Variants in RYR2 observed in about 807,000 individuals in gnomAD.
RYR2 encodes the protein ryanodine receptor 2.
In RYR2, 227 loss-of-function variants were observed where a neutral mutation model predicts 601.1. The ratio of observed to expected loss-of-function variants is 0.38; its 90% CI spans 0.34 to 0.42. The LOEUF is 0.42. RYR2 is among the 10% of genes least tolerant of loss of function. RYR2 has a pLI of 1.00. For missense variants in RYR2, 4,646 were observed against 6,156.5 expected, an observed-to-expected ratio of 0.75 and a Z score of 8.21; for synonymous variants, 2,223 against 2,175.1, an observed-to-expected ratio of 1.02 and a Z score of -0.61.
intron 1 of RYR2, among the ~76,000 whole-genome samples, chr1:237,045,869 G>GT (rs768636054): frequency 0.04 from 2,274 of 56,936 alleles, 262 homozygotes; most frequent in East Asian, 0.13. Flanking sequence ...CTTGGTCAAG[G>GT]TTTTTTTTTT....
intron 1 of RYR2, among the ~76,000 whole-genome samples, chr1:237,043,294 C>T (rs1660153502): frequency 6.6e-6 from 1 of 151,868 alleles, no homozygotes; most frequent in African/African-American, 2.4e-5. Context: ...CGTGTGTTTG[C>T]GTGTGTGCGC....
At chr1:237,632,978 A>G (rs1010515060) in intron 42 of RYR2, among the ~76,000 whole-genome samples, 1 of 152,104 alleles carries the variant, frequency 6.6e-6, no homozygotes, top group African/African-American at 2.4e-5. Flanking sequence ...GTAAACTATG[A>G]TAATATTTGG....
chr1:237,586,791 C>T (rs1167099329), intron 29 of RYR2, among the ~76,000 whole-genome samples: 2 of 151,982 alleles, frequency 1.3e-5, no homozygotes, highest in African/African-American at 4.8e-5. Flanking sequence ...GCAATCTAGG[C>T]TCACTGCAAT....
At chr1:237,144,266 A>C (rs979659596) in intron 1 of RYR2, among the ~76,000 whole-genome samples, 1 of 152,200 alleles carries the variant, frequency 6.6e-6, no homozygotes, top group African/African-American at 2.4e-5. Flanking sequence ...CTCAAGACAG[A>C]CTACTCCTTA....
At chr1:237,225,692 A>G (rs1204226659) in intron 1 of RYR2, among the ~76,000 whole-genome samples, 2 of 152,166 alleles carry the variant, frequency 1.3e-5, no homozygotes, top group African/African-American at 4.8e-5. Flanking sequence ...AGTGAATGGG[A>G]CAGAAAGAGC....
At chr1:237,498,156 G>A (rs889577659) in intron 20 of RYR2, among the ~76,000 whole-genome samples, 5 of 152,002 alleles carry the variant, frequency 3.3e-5, no homozygotes, top group East Asian at 1.9e-4. Flanking sequence ...GTGAGCCACC[G>A]TACCCAGCCT....
Position 237,478,799 on chromosome 1 carries a change from C to T in RYR2, c.1708+9612C>T, listed in dbSNP as rs561080767. ...AGGCAGGCCTTAAGGGACCCCCCTACCCTCGCTTACCATCTGGCTGCAAAT... is the reference window on the plus strand; with the variant it reads ...AGGCAGGCCTTAAGGGACCCCCCTATCCTCGCTTACCATCTGGCTGCAAAT... On this transcript the variant is annotated intron_variant, in intron 17 of 104. Transcript: ENST00000366574. Among the ~76,000 whole-genome samples, 3 of 152,184 alleles carry T rather than the reference C, an allele frequency of 2.0e-5. No homozygotes were observed. In the East Asian group the frequency reaches 5.8e-4, roughly 30 times the overall value.
chr1:237,630,186 T>G (rs2148677446), intron 41 of RYR2, among the ~76,000 whole-genome samples: 1 of 152,284 alleles, frequency 6.6e-6, no homozygotes, highest in Non-Finnish European at 1.5e-5. Context: ...AAAATGCTTC[T>G]TTTTGTGGTA....
At chr1:237,157,603 A>T (rs1675545380) in intron 1 of RYR2, among the ~76,000 whole-genome samples, 1 of 152,194 alleles carries the variant, frequency 6.6e-6, no homozygotes, top group African/African-American at 2.4e-5. Context: ...GTGAAACTGG[A>T]GGTCATTATG....
intron 14 of RYR2, among the ~76,000 whole-genome samples, chr1:237,450,326 T>C (rs1657932640): frequency 6.6e-6 from 1 of 152,150 alleles, no homozygotes; most frequent in Non-Finnish European, 1.5e-5. Flanking sequence ...TGCTCAGCAA[T>C]ATCTCTTCAA....
chr1:237,181,766 A>G lies in RYR2; in HGVS notation c.49-88731A>G, dbSNP rs116034579. The stretch of plus-strand genomic sequence containing the variant: ...GAATGTAAAGTAGGTTCTGTATGCA[A>G]AGGGTTAAGAAACTGGATGATATAG... On this transcript the variant is annotated intron_variant, in intron 1 of 104. Transcript: ENST00000366574. Among the ~76,000 whole-genome samples the G allele has an allele frequency of 5.9e-3, 905 of 152,324 alleles. 9 individuals are homozygous for G. The highest frequency in any genetic ancestry group is 0.033 in the South Asian group (158 of 4,828).
intron 25 of RYR2, among the ~76,000 whole-genome samples, chr1:237,536,572 G>C (rs552456832): frequency 6.6e-6 from 1 of 152,120 alleles, no homozygotes; most frequent in Non-Finnish European, 1.5e-5. Context: ...AAAATTAGCC[G>C]GGCGTGGTGG....
chr1:237,825,861 A>G (rs1260146591), intron 101 of RYR2, among the ~76,000 whole-genome samples: 1 of 152,234 alleles, frequency 6.6e-6, no homozygotes, highest in Non-Finnish European at 1.5e-5. Flanking sequence ...GGTGAAGGAT[A>G]TGAACAGACA....
intron 71 of RYR2, among the ~76,000 whole-genome samples, chr1:237,713,148 G>T (rs566525823): frequency 6.6e-6 from 1 of 152,152 alleles, no homozygotes; most frequent in Non-Finnish European, 1.5e-5. Flanking sequence ...AGAAGTCTGT[G>T]TATTCCTGTA....
At chr1:237,304,478 C>G (rs984954480) in intron 2 of RYR2, among the ~76,000 whole-genome samples, 1 of 152,166 alleles carries the variant, frequency 6.6e-6, no homozygotes, top group South Asian at 2.1e-4. Context: ...AATCTCTGTA[C>G]GTAAACTCAG....
At position 237,491,840 on chromosome 1, in the gene RYR2, A is replaced by C; in HGVS notation, c.1743A>C (p.Glu581Asp). 6.7e-7 allele frequency: 1 copy of C among 1,482,860 alleles called. No individual in the cohort carries two copies. 91.9% of individuals were successfully genotyped at this position (1,482,860 alleles called of 1,614,324 possible). A position where few individuals can be genotyped will look rare whatever the true frequency, so the allele number is the denominator to read the frequency against. Residue 581 changes from glutamate to aspartate, a missense_variant, in exon 18 of 105, where the codon GAA becomes GAC. Around this residue, in one of 17 missense-constraint regions of RYR2, gnomAD observed 1,807 missense variants for 2,088.1 expected, o/e 0.87. Transcript: ENST00000366574. ...AAGTTTTACACTGTGTTTTAGTAGA[A>C]AGTCCAGAAGCTCTAAATATTATTA... ...ILEVLHCVLV[E>D]SPEALNIIKE...
intron 12 of RYR2, among the ~76,000 whole-genome samples, chr1:237,428,243 A>G (rs1397712424): frequency 2.6e-5 from 4 of 152,212 alleles, no homozygotes; most frequent in African/African-American, 4.8e-5. Flanking sequence ...CAGCGATCCC[A>G]TTACTGGGTA....
intron 25 of RYR2, among the ~76,000 whole-genome samples, chr1:237,542,222 C>T (rs1253824996): frequency 6.6e-6 from 1 of 151,962 alleles, no homozygotes; most frequent in Non-Finnish European, 1.5e-5. Flanking sequence ...GCCTCCCAAG[C>T]AGCTGGGATT....
chr1:237,298,359 T>C (rs1401101045), intron 2 of RYR2, among the ~76,000 whole-genome samples: 1 of 152,186 alleles, frequency 6.6e-6, no homozygotes, highest in Non-Finnish European at 1.5e-5. Context: ...TTTGATGTTA[T>C]ATCCAAAATT....
Sources: gnomAD v4.1 joint callset for allele counts (sites outside exome capture counted in the v4.1 genomes callset) on GRCh38, gnomAD v4.1.1 for gene constraint, gnomAD v4.1.1 regional missense constraint, MANE v1.5 for transcripts, NCBI Gene and HGNC (gene_info 2026-07-23, HGNC 2026-07-21) for gene names.